Variants in TRAPPC3L observed in about 807,000 individuals in gnomAD.
TRAPPC3L encodes the protein trafficking protein particle complex subunit 3-like protein.
TRAPPC3L carries 23 observed loss-of-function variants against 23.7 expected under a neutral mutation model. The ratio of observed to expected loss-of-function variants is 0.97; its 90% CI spans 0.70 to 1.37. The LOEUF (loss-of-function observed/expected upper bound fraction) is 1.37. TRAPPC3L is among the 40% of genes most tolerant of loss of function. TRAPPC3L has a pLI of 0.00. For missense variants in TRAPPC3L, 212 were observed against 216.8 expected, an observed-to-expected ratio of 0.98 and a Z score of 0.14; for synonymous variants, 81 against 77.9, an observed-to-expected ratio of 1.04 and a Z score of -0.21.
intron 3 of TRAPPC3L, among the ~76,000 whole-genome samples, chr6:116,536,392 C>T (rs1359893197): frequency 6.6e-6 from 1 of 152,166 alleles, no homozygotes; most frequent in Non-Finnish European, 1.5e-5. Context: ...GACCGACCTC[C>T]TCTTTGAAGA....
At chr6:116,526,724 G>C (rs1772443910) in intron 3 of TRAPPC3L, among the ~76,000 whole-genome samples, 1 of 152,130 alleles carries the variant, frequency 6.6e-6, no homozygotes, top group African/African-American at 2.4e-5. Context: ...TGAATCCTTA[G>C]ACCCAGACAG....
intron 2 of TRAPPC3L, among the ~76,000 whole-genome samples, 191 bp downstream of exon 2, chr6:116,543,112 A>T (rs893720424): frequency 6.6e-6 from 1 of 152,178 alleles, no homozygotes; most frequent in Non-Finnish European, 1.5e-5. Flanking sequence ...TAGGAAAAAA[A>T]TCCTTCCTAT....
chr6:116,521,140 G>A (rs940935932), intron 3 of TRAPPC3L: 1 of 151,626 alleles, frequency 6.6e-6, no homozygotes, highest in African/African-American at 2.4e-5. Flanking sequence ...TATATGAAAG[G>A]GGATTTCTTG....
At chr6:116,514,097 T>C (rs547133146) in intron 3 of TRAPPC3L, among the ~76,000 whole-genome samples, 1 of 152,078 alleles carries the variant, frequency 6.6e-6, no homozygotes, top group South Asian at 2.1e-4. Context: ...ATATGCAAAA[T>C]AAGACACTTT....
intron 4 of TRAPPC3L, among the ~76,000 whole-genome samples, chr6:116,497,570 T>C (rs1294694371): frequency 6.6e-6 from 1 of 152,190 alleles, no homozygotes; most frequent in African/African-American, 2.4e-5. Flanking sequence ...GAGAATAATA[T>C]CAATTAAATG....
chr6:116,511,509 T>C (rs2115163816), intron 3 of TRAPPC3L: 2 of 586,156 alleles, frequency 3.4e-6, no homozygotes, highest in South Asian at 4.8e-5. Context: ...TTTCCACCAG[T>C]AGGAGGCATT....
At chr6:116,543,037 C>T (rs546325158) in intron 2 of TRAPPC3L, among the ~76,000 whole-genome samples, 19 of 152,164 alleles carry the variant, frequency 1.2e-4, no homozygotes, top group African/African-American at 4.3e-4. Context: ...TGCTTATAAG[C>T]GACTCTTAAG....
chr6:116,515,556 GGCTTT>G, intron 3 of TRAPPC3L: 1 of 1,546,308 alleles, frequency 6.5e-7, no homozygotes, highest in Non-Finnish European at 8.7e-7. Flanking sequence ...CTCCCTAAAT[GGCTTT>G]GCTTTCACGT....
In TRAPPC3L at chr6:116,495,097, C is replaced by T. The variant is rs184897545; in HGVS notation, c.*1857G>A. ...AGATTACAGGCTTGTGCCACCATGC[C>T]CGACCCAGATCTTATTCATTCTATC... On this transcript the variant is annotated 3_prime_UTR_variant, in exon 5 of 5. Coordinates refer to ENST00000368602, the MANE Select transcript of TRAPPC3L (RefSeq NM_001139444.3). 1 of 147,866 alleles carries T rather than the reference C, an allele frequency of 6.8e-6. No homozygotes were observed. Among genetic ancestry groups the T allele is most frequent in the African/African-American group, 2.5e-5 (1 of 39,810 alleles). The allele number at this position is 147,866 out of a possible 1,614,324, so 9.2% of individuals were successfully genotyped here. A position where few individuals can be genotyped will look rare whatever the true frequency, so the allele number is the denominator to read the frequency against.
Position 116,511,657 on chromosome 6 carries a change from A to G in TRAPPC3L, c.241-10991T>C, listed in dbSNP as rs775733467. ...GGCCACTGCCACAGCTGCTCTGCCA[A>G]TAACAAAGGCACAGCATTTTCCCTC... On this transcript the variant is annotated intron_variant, in intron 3 of 4. Coordinates refer to ENST00000368602, the MANE Select transcript of TRAPPC3L (RefSeq NM_001139444.3). The G allele has an allele frequency of 2.5e-6, 4 of 1,583,106 alleles. No individual in the cohort carries two copies. The South Asian group carries it at 4.6e-5, about 18-fold the overall frequency.
At chr6:116,511,951 GAAAA>G (rs1772129887) in intron 3 of TRAPPC3L, 1 of 1,613,824 alleles carries the variant, frequency 6.2e-7, no homozygotes, top group African/African-American at 1.3e-5. Context: ...TGAATCCCAG[GAAAA>G]TCTTTCCCAG....
chr6:116,519,549 G>A (rs1772292434), intron 3 of TRAPPC3L: 1 of 152,168 alleles, frequency 6.6e-6, no homozygotes, highest in Admixed American at 6.5e-5. Context: ...ACTAATGTTT[G>A]CCATAACAGT....
Position 116,500,536 on chromosome 6 carries a change from G to T in TRAPPC3L, c.371C>A (p.Ser124Tyr). The change falls in exon 4 of 5, where the codon TCT becomes TAT. Residue 124 changes from serine to tyrosine, a missense_variant. Coordinates refer to ENST00000368602, the MANE Select transcript of TRAPPC3L (RefSeq NM_001139444.3). ...EFVEELPAGR[S>Y]SLCYCNLLCG... ...GAGCAAGTTGCAGTAGCACAGAGAA[G>T]ATCGCCCAGCAGGGAGCTCTTCCAC... 6.4e-7 allele frequency: 1 copy of T among 1,551,704 alleles called. No individual in the cohort carries two copies. The highest frequency in any genetic ancestry group is 1.4e-5 in the African/African-American group (1 of 73,180).
At chr6:116,498,876 T>C (rs967271683) in intron 4 of TRAPPC3L, among the ~76,000 whole-genome samples, 2 of 152,222 alleles carry the variant, frequency 1.3e-5, no homozygotes, top group Non-Finnish European at 2.9e-5. Flanking sequence ...AACCTACTTA[T>C]TATATTTTAT....
chr6:116,509,527 T>C (rs1019936372), intron 3 of TRAPPC3L, among the ~76,000 whole-genome samples: 40 of 152,008 alleles, frequency 2.6e-4, no homozygotes, highest in African/African-American at 9.4e-4. Context: ...AATAGAGAAC[T>C]CAGAACCAAT....
chr6:116,511,593 A>ACTCTTCAC, intron 3 of TRAPPC3L: 1 of 1,013,772 alleles, frequency 9.9e-7, no homozygotes, highest in South Asian at 1.6e-5. Flanking sequence ...TCAGTCTGAG[A>ACTCTTCAC]AGGACTGTTG....
intron 3 of TRAPPC3L, among the ~76,000 whole-genome samples, chr6:116,502,200 A>G (rs903724762): frequency 6.6e-6 from 1 of 152,332 alleles, no homozygotes; most frequent in East Asian, 1.9e-4. Flanking sequence ...GGAGCTGAAA[A>G]CCACAGTACA....
intron 3 of TRAPPC3L, among the ~76,000 whole-genome samples, chr6:116,526,770 C>T (rs1772444520): frequency 6.6e-6 from 1 of 152,128 alleles, no homozygotes; most frequent in African/African-American, 2.4e-5. Flanking sequence ...AGGGTATTTA[C>T]TCCATGGTTT....
At chr6:116,530,406 C>T (rs1772626723) in intron 3 of TRAPPC3L, among the ~76,000 whole-genome samples, 1 of 152,050 alleles carries the variant, frequency 6.6e-6, no homozygotes, top group Non-Finnish European at 1.5e-5. Context: ...CTGAAAAAGA[C>T]TTAGAAAAAA....
Sources: allele counts gnomAD v4.1 joint callset (sites outside exome capture counted in the v4.1 genomes callset), GRCh38; gene constraint gnomAD v4.1.1; transcripts MANE v1.5; gene names NCBI Gene and HGNC (gene_info 2026-07-23, HGNC 2026-07-21).